The following PEPD variants were observed in gnomAD, a reference collection of about 807,000 sequenced individuals.
PEPD encodes the protein xaa-Pro dipeptidase.
PEPD carries 53 observed loss-of-function variants against 60.7 expected under a neutral mutation model. The observed-to-expected ratio is 0.87, with a 90% CI of 0.70 to 1.10. The LOEUF (loss-of-function observed/expected upper bound fraction) is 1.10. PEPD is among the 50% of genes least tolerant of loss of function. PEPD has a pLI of 0.00. For synonymous variants in PEPD, 267 were observed against 284.1 expected, an observed-to-expected ratio of 0.94 and a Z score of 0.60; for missense variants, 711 against 711.9, an observed-to-expected ratio of 1.00 and a Z score of 0.01.
At chr19:33,464,877 T>G (rs1446699736) in intron 7 of PEPD, among the ~76,000 whole-genome samples, 1 of 151,912 alleles carries the variant, frequency 6.6e-6, no homozygotes, top group Non-Finnish European at 1.5e-5. Flanking sequence ...AAGTATTCGT[T>G]TTCTACCTCC....
chr19:33,461,649 G>T (rs1013300196), intron 9 of PEPD, among the ~76,000 whole-genome samples: 1 of 152,242 alleles, frequency 6.6e-6, no homozygotes, highest in Non-Finnish European at 1.5e-5. Context: ...GGTTTCCGGG[G>T]CAGTGCCAAT....
chr19:33,481,310 C>CA (rs201044439), intron 6 of PEPD, among the ~76,000 whole-genome samples: 1,624 of 152,076 alleles, frequency 0.011, 14 homozygotes, highest in Non-Finnish European at 0.017. Context: ...CTCATGCCTG[C>CA]AGTCCCAGCA....
intron 1 of PEPD, among the ~76,000 whole-genome samples, chr19:33,520,100 C>A (rs1971103486): frequency 6.6e-6 from 1 of 151,988 alleles, no homozygotes; most frequent in African/African-American, 2.4e-5. Context: ...GAAAAGCTCT[C>A]ATTCCAGGAT....
Position 33,470,472 on chromosome 19 carries a change from C to T in PEPD, c.549-6410G>A, listed in dbSNP as rs1156867807. On this transcript the variant is annotated intron_variant, in intron 7 of 14. Coordinates refer to ENST00000244137, the MANE Select transcript of PEPD (RefSeq NM_000285.4). ...CCACCTCTAGCACCCACCCGAAACA[C>T]ACTTTTCTAGGGGTCGGAGACGACC... 4.6e-5 allele frequency among the ~76,000 whole-genome samples: 7 copies of T among 152,158 alleles called. No homozygotes were observed. In the East Asian group the frequency reaches 1.4e-3, roughly 29 times the overall value.
At chr19:33,506,257 CACT>C (rs1970806313) in intron 3 of PEPD, among the ~76,000 whole-genome samples, 1 of 147,300 alleles carries the variant, frequency 6.8e-6, no homozygotes. Flanking sequence ...CACTCACACC[CACT>C]ACACCCCATC....
chr19:33,468,010 T>C (rs1568486678), intron 7 of PEPD, among the ~76,000 whole-genome samples: 1 of 151,776 alleles, frequency 6.6e-6, no homozygotes, highest in Non-Finnish European at 1.5e-5. Context: ...CACACAATGA[T>C]GGAGTGGAAG....
chr19:33,450,153 G>C (rs1969669563), intron 9 of PEPD, among the ~76,000 whole-genome samples: 1 of 152,240 alleles, frequency 6.6e-6, no homozygotes, highest in African/African-American at 2.4e-5. Flanking sequence ...CACACCCGAT[G>C]TGAACTTTAT....
rs532119821 is a variant in PEPD at position 33,498,316 on chromosome 19, T to C, written c.393+2622A>G. On this transcript the variant is annotated intron_variant, in intron 4 of 14. Coordinates refer to ENST00000244137, the MANE Select transcript of PEPD (RefSeq NM_000285.4). ...ACTGAAGCCTCGACAATCTGCTTTG[T>C]ATACGAAGACGAAGAATGAGCCGGT... 8.6e-4 allele frequency among the ~76,000 whole-genome samples: 131 copies of C among 152,302 alleles called. 1 individual carries two copies. The highest frequency in any genetic ancestry group is 3.0e-3 in the African/African-American group (123 of 41,572).
At chr19:33,407,842 G>A (rs947694352) in intron 11 of PEPD, among the ~76,000 whole-genome samples, 3 of 152,242 alleles carry the variant, frequency 2.0e-5, no homozygotes, top group African/African-American at 7.2e-5. Flanking sequence ...GGCTGAGGGT[G>A]TATGCAGCCA....
rs568639638 is a variant in PEPD at position 33,431,156 on chromosome 19, A to C, written c.672-17513T>G. On this transcript the variant is annotated intron_variant, in intron 9 of 14. Transcript: ENST00000244137. Reference sequence around the variant, plus strand: ...GAACAGAGAAAGGGAGAGAGGAAGGAAGGAAAGAAGGAAGGAAGGAAGGAA... The same window carrying C: ...GAACAGAGAAAGGGAGAGAGGAAGGCAGGAAAGAAGGAAGGAAGGAAGGAA... Among the ~76,000 whole-genome samples, 4 of 139,162 alleles carry C rather than the reference A, an allele frequency of 2.9e-5. No individual in the cohort carries two copies. The South Asian group carries it at 1.1e-3, about 38-fold the overall frequency. 91.3% of individuals were successfully genotyped at this position (139,162 alleles called of 152,430 possible).
intron 11 of PEPD, among the ~76,000 whole-genome samples, chr19:33,402,763 T>C (rs1264422149): frequency 3.3e-5 from 5 of 151,862 alleles, no homozygotes; most frequent in African/African-American, 1.2e-4. Flanking sequence ...GGGGCAGAGG[T>C]GCCAGCTGTC....
At chr19:33,417,760 G>A (rs561246172) in intron 9 of PEPD, among the ~76,000 whole-genome samples, 20 of 152,324 alleles carry the variant, frequency 1.3e-4, no homozygotes, top group Admixed American at 9.8e-4. Context: ...AGAGGAGGTC[G>A]TGGGCATCCT....
chr19:33,428,380 C>T (rs1969197121), intron 9 of PEPD, among the ~76,000 whole-genome samples: 1 of 152,182 alleles, frequency 6.6e-6, no homozygotes, highest in Non-Finnish European at 1.5e-5. Flanking sequence ...ACTTCTAGCA[C>T]CTTCTATCGG....
At chr19:33,424,183 A>AC (rs1969094530) in intron 9 of PEPD, among the ~76,000 whole-genome samples, 1 of 151,862 alleles carries the variant, frequency 6.6e-6, no homozygotes. Flanking sequence ...CCCTGTAGTG[A>AC]CCCCCTCCAG....
chr19:33,521,654 C>G (rs1473151418), intron 1 of PEPD, 90 bp downstream of exon 1: 2 of 1,394,970 alleles, frequency 1.4e-6, no homozygotes, highest in Non-Finnish European at 2.0e-6. Context: ...ATTCAGCGAC[C>G]CCGGCTGACG....
intron 3 of PEPD, among the ~76,000 whole-genome samples, chr19:33,510,021 C>T (rs796459287): frequency 1.7e-4 from 26 of 152,334 alleles, no homozygotes; most frequent in Admixed American, 5.9e-4. Context: ...GGCGGTTCCC[C>T]GATCCAAACC....
chr19:33,397,034 C>T (rs945228329), intron 12 of PEPD, among the ~76,000 whole-genome samples: 3 of 152,126 alleles, frequency 2.0e-5, no homozygotes, highest in Non-Finnish European at 2.9e-5. Context: ...ACACAGGAGC[C>T]GCGCTGAGCT....
chr19:33,512,804 C>T (rs769374576), intron 1 of PEPD, 28 bp from the exon 2 acceptor site: 2 of 1,613,074 alleles, frequency 1.2e-6, no homozygotes, highest in South Asian at 1.1e-5. Context: ...CACACCGCCA[C>T]ACAGGCCTCT....
chr19:33,411,130 AG>A (rs1968757055), intron 11 of PEPD, among the ~76,000 whole-genome samples: 1 of 152,178 alleles, frequency 6.6e-6, no homozygotes, highest in Non-Finnish European at 1.5e-5. Context: ...AAGAACTGTG[AG>A]CACGGCACAT....
Sources: gnomAD v4.1 joint callset for allele counts (sites outside exome capture counted in the v4.1 genomes callset) on GRCh38, gnomAD v4.1.1 for gene constraint, MANE v1.5 for transcripts, NCBI Gene and HGNC (gene_info 2026-07-23, HGNC 2026-07-21) for gene names.